Variants in TEAD4 observed in about 807,000 individuals in gnomAD.
TEAD4 encodes transcriptional enhancer factor TEF-3.
In TEAD4, 36 loss-of-function variants were observed where a neutral mutation model predicts 52.4. The observed-to-expected ratio is 0.69, with a 90% CI of 0.53 to 0.91. TEAD4 has a LOEUF of 0.91. Among genes scored for constraint, TEAD4 ranks in the 40% least tolerant of loss-of-function variants. The probability of loss-of-function intolerance (pLI) is 0.00; values close to 1 mark genes in which losing one functional copy is unlikely to be tolerated. For missense variants in TEAD4, 508 were observed against 583.9 expected (o/e 0.87, Z 1.34); for synonymous variants, 220 against 231.0 (o/e 0.95, Z 0.43).
At chr12:2,989,509 G>C (rs895040759) in intron 2 of TEAD4, among the ~76,000 whole-genome samples, 15 of 152,106 alleles carry the variant, frequency 9.9e-5, no homozygotes, top group African/African-American at 3.4e-4. Flanking sequence ...TGCAATATGG[G>C]CTCACCGCAA....
At chr12:2,986,751 T>C (rs2098238897) in intron 2 of TEAD4, among the ~76,000 whole-genome samples, 1 of 152,236 alleles carries the variant, frequency 6.6e-6, no homozygotes, top group Non-Finnish European at 1.5e-5. Flanking sequence ...TCAAGGATTG[T>C]GTACTGTACA....
chr12:2,969,531 C>T (rs939689997), intron 2 of TEAD4, among the ~76,000 whole-genome samples: 1 of 152,194 alleles, frequency 6.6e-6, no homozygotes, highest in African/African-American at 2.4e-5. Flanking sequence ...AGGTCACCTC[C>T]AGGGCCACTG....
chr12:3,017,279 G>C (rs368193887), intron 5 of TEAD4, 119 bp from the exon 6 acceptor site: 2 of 1,343,586 alleles, frequency 1.5e-6, no homozygotes, highest in Non-Finnish European at 1.0e-6. Flanking sequence ...CTTAACGCCT[G>C]GTCCCCCAGC....
chr12:2,963,019 G>A (rs967117797), intron 2 of TEAD4, among the ~76,000 whole-genome samples: 34 of 152,298 alleles, frequency 2.2e-4, no homozygotes, highest in East Asian at 1.5e-3. Context: ...TTGGTAGGAG[G>A]CAGAAATACT....
intron 3 of TEAD4, among the ~76,000 whole-genome samples, chr12:2,998,003 TC>T (rs1230661591): frequency 2.6e-5 from 4 of 152,112 alleles, no homozygotes; most frequent in East Asian, 3.9e-4. Flanking sequence ...CTCGCCATCC[TC>T]CCCGCCCTCC....
chr12:2,980,410 T>A (rs1252832769), intron 2 of TEAD4, among the ~76,000 whole-genome samples: 1 of 152,156 alleles, frequency 6.6e-6, no homozygotes, highest in Non-Finnish European at 1.5e-5. Flanking sequence ...CAGAGTCAGA[T>A]CATCCCCCTT....
At chr12:2,976,008 A>AT (rs61140040) in intron 2 of TEAD4, among the ~76,000 whole-genome samples, 12,736 of 145,426 alleles carry the variant, frequency 0.088, 669 homozygotes, top group Admixed American at 0.12. Context: ...TTCATAGCTC[A>AT]TTTTTTTTTT....
chr12:3,010,938 G>T (rs531105309), intron 3 of TEAD4, 66 bp from the exon 4 acceptor site: 1 of 1,580,406 alleles, frequency 6.3e-7, no homozygotes, highest in South Asian at 1.1e-5. Flanking sequence ...AAGGTACCCC[G>T]CACCCCCTCA....
intron 2 of TEAD4, among the ~76,000 whole-genome samples, chr12:2,968,759 C>G (rs1337837626): frequency 6.6e-6 from 1 of 152,078 alleles, no homozygotes; most frequent in Non-Finnish European, 1.5e-5. Context: ...GATGGTCCTC[C>G]TGCCTCAGTC....
chr12:3,039,368 C>T (rs1007167821), intron 11 of TEAD4, among the ~76,000 whole-genome samples: 1 of 152,232 alleles, frequency 6.6e-6, no homozygotes, highest in Non-Finnish European at 1.5e-5. Flanking sequence ...CCATATCTTG[C>T]ATAACTAGAG....
chr12:3,013,458 G>A (rs1680501940), intron 5 of TEAD4, among the ~76,000 whole-genome samples: 1 of 152,094 alleles, frequency 6.6e-6, no homozygotes, highest in Non-Finnish European at 1.5e-5. Context: ...CTACTGGGAG[G>A]CCAGGCGCGG....
intron 2 of TEAD4, among the ~76,000 whole-genome samples, chr12:2,990,974 T>C (rs1228914232): frequency 6.6e-6 from 1 of 152,150 alleles, no homozygotes; most frequent in Non-Finnish European, 1.5e-5. Flanking sequence ...TGCTTGAGGC[T>C]GGAAGTTCAA....
chr12:2,962,348 T>TATATATATA (rs1237615183), intron 2 of TEAD4, among the ~76,000 whole-genome samples: 4 of 32,324 alleles, frequency 1.2e-4, no homozygotes, highest in Non-Finnish European at 3.6e-4. Context: ...ATATATATAT[T>TATATATATA]TTTTGAGATG....
intron 3 of TEAD4, among the ~76,000 whole-genome samples, chr12:3,000,300 G>A (rs1311596642): frequency 6.6e-6 from 1 of 152,196 alleles, no homozygotes; most frequent in Admixed American, 6.5e-5. Flanking sequence ...CTGAAACTGG[G>A]TAATTTATAA....
In TEAD4 at chr12:3,037,982, C is replaced by G; in HGVS notation, c.912C>G (p.Thr304=). ...TCTCCCTCCAGGCAGACCTCAACAC[C>G]AACATCGAGGATGAAGGCAGCTCCT... Residue 304 remains threonine (T), a synonymous_variant, in exon 11 of 13, where the codon ACC becomes ACG. Transcript: ENST00000359864. 1 of 1,613,748 alleles carries G rather than the reference C, an allele frequency of 6.2e-7. No individual in the cohort carries two copies. Among genetic ancestry groups the G allele is most frequent in the Non-Finnish European group, 8.5e-7 (1 of 1,179,732 alleles).
intron 5 of TEAD4, among the ~76,000 whole-genome samples, chr12:3,014,185 A>G (rs547369062): frequency 6.6e-6 from 1 of 152,018 alleles, no homozygotes; most frequent in Non-Finnish European, 1.5e-5. Context: ...CAGCCATGGA[A>G]CCCAGCCCTG....
intron 2 of TEAD4, among the ~76,000 whole-genome samples, chr12:2,975,019 A>G (rs1028052296): frequency 6.6e-6 from 1 of 152,022 alleles, no homozygotes; most frequent in Admixed American, 6.6e-5. Flanking sequence ...TTTGCCTCTC[A>G]AGTACTGTAT....
At chr12:3,014,199 CCT>C (rs1317604054) in intron 5 of TEAD4, among the ~76,000 whole-genome samples, 2 of 152,228 alleles carry the variant, frequency 1.3e-5, no homozygotes, top group African/African-American at 4.8e-5. Flanking sequence ...AGCCCTGCTC[CCT>C]GTTTCCCCTC....
intron 11 of TEAD4, 33 bp downstream of exon 11, chr12:3,038,141 G>A (rs577657787): frequency 3.7e-6 from 6 of 1,600,094 alleles, no homozygotes; most frequent in Admixed American, 1.7e-5. Context: ...GAGGGCCGGT[G>A]GCAGTGGTCT....
Sources: gnomAD v4.1 joint callset for allele counts (sites outside exome capture counted in the v4.1 genomes callset) on GRCh38, gnomAD v4.1.1 for gene constraint, MANE v1.5 for transcripts, NCBI Gene and HGNC (gene_info 2026-07-23, HGNC 2026-07-21) for gene names.